The following TIAM1 variants were observed in gnomAD, a reference collection of about 807,000 sequenced individuals.
TIAM1 encodes the protein rho guanine nucleotide exchange factor TIAM1.
A neutral mutation model predicts 163.5 loss-of-function variants in TIAM1; 65 were observed. The ratio of observed to expected loss-of-function variants is 0.40; its 90% confidence interval spans 0.33 to 0.49. TIAM1 has a LOEUF of 0.49. Ranked by LOEUF, TIAM1 falls within the 20% of genes least tolerant of loss-of-function variation. The pLI is 0.77. For synonymous variants in TIAM1, 833 were observed against 810.1 expected (o/e 1.03, Z -0.48); for missense variants, 1,789 against 2,044.7 (o/e 0.87, Z 2.41).
chr21:31,467,662 A>C (rs1295113947), intron 1 of TIAM1, among the ~76,000 whole-genome samples: 1 of 151,602 alleles, frequency 6.6e-6, no homozygotes, highest in African/African-American at 2.4e-5. Flanking sequence ...AATAAAATAA[A>C]TAAATAAATA....
intron 1 of TIAM1, among the ~76,000 whole-genome samples, chr21:31,479,886 C>T (rs529913257): frequency 7.2e-4 from 109 of 152,228 alleles, no homozygotes; most frequent in South Asian, 2.5e-3. Context: ...CCATTCCCGG[C>T]GTCTGCCCTC....
chr21:31,509,903 T>C (rs1369095146), intron 1 of TIAM1, among the ~76,000 whole-genome samples: 1 of 152,096 alleles, frequency 6.6e-6, no homozygotes, highest in African/African-American at 2.4e-5. Context: ...CACGAGAGTG[T>C]GTTTATCTAT....
chr21:31,432,953 G>A (rs1488466917), intron 2 of TIAM1, among the ~76,000 whole-genome samples: 1 of 152,214 alleles, frequency 6.6e-6, no homozygotes, highest in Non-Finnish European at 1.5e-5. Flanking sequence ...CATTGGAGGG[G>A]ACATTCTGTG....
In TIAM1 at chr21:31,135,927, A is replaced by C. The variant is rs939920236; in HGVS notation, c.3883+6T>G. ...CCCCTCCATAAAACGCTTTTCTGAT[A>C]CACACCGAATGCTGCCAACTCTGGT... is the stretch of plus-strand genomic sequence containing the variant. On this transcript the variant is annotated splice_donor_region_variant and intron_variant, in intron 23 of 27. Transcript: ENST00000541036. 1 of 1,613,928 alleles carries C rather than the reference A, an allele frequency of 6.2e-7. No homozygotes were observed. Among genetic ancestry groups the C allele is most frequent in the Non-Finnish European group, 8.5e-7 (1 of 1,179,780 alleles).
chr21:31,525,495 C>A (rs964410483), intron 1 of TIAM1, among the ~76,000 whole-genome samples: 2 of 152,054 alleles, frequency 1.3e-5, no homozygotes, highest in Non-Finnish European at 2.9e-5. Context: ...CTAGGCCCCA[C>A]CTCCAACACT....
At chr21:31,441,687 T>C (rs1013005525) in intron 2 of TIAM1, among the ~76,000 whole-genome samples, 12 of 152,076 alleles carry the variant, frequency 7.9e-5, no homozygotes, top group African/African-American at 2.9e-4. Context: ...ATCTTAGACA[T>C]AGCAAGTAAG....
chr21:31,386,448 G>A (rs922248963), intron 2 of TIAM1, among the ~76,000 whole-genome samples: 1 of 152,144 alleles, frequency 6.6e-6, no homozygotes, highest in African/African-American at 2.4e-5. Context: ...AAGACCCATA[G>A]AAGATTAAAG....
At chr21:31,409,785 T>TG (rs2077314144) in intron 2 of TIAM1, among the ~76,000 whole-genome samples, 1 of 151,910 alleles carries the variant, frequency 6.6e-6, no homozygotes. Flanking sequence ...CCCTCCCTGG[T>TG]GGGGGGCAGG....
At chr21:31,240,668 A>C (rs1569088960) in intron 6 of TIAM1, among the ~76,000 whole-genome samples, 1 of 152,204 alleles carries the variant, frequency 6.6e-6, no homozygotes. Context: ...ATTCATGCAA[A>C]CACTCTTCAC....
intron 2 of TIAM1, among the ~76,000 whole-genome samples, chr21:31,303,981 A>AAAAAG (rs895859938): frequency 6.6e-6 from 1 of 152,204 alleles, no homozygotes. Flanking sequence ...CCATCTCAAA[A>AAAAAG]AAAAGAAAAG....
intron 15 of TIAM1, among the ~76,000 whole-genome samples, chr21:31,181,350 G>A (rs940467138): frequency 1.3e-5 from 2 of 152,116 alleles, no homozygotes; most frequent in African/African-American, 2.4e-5. Flanking sequence ...GATCTAATGA[G>A]GGCCCATATG....
intron 9 of TIAM1, among the ~76,000 whole-genome samples, chr21:31,216,474 C>T (rs2087219939): frequency 6.6e-6 from 1 of 152,166 alleles, no homozygotes; most frequent in Non-Finnish European, 1.5e-5. Flanking sequence ...TTCCGAAAGA[C>T]TACAGATGCT....
At chr21:31,228,248 AAAAAAAAAAAAG>A (rs2088169100) in intron 6 of TIAM1, among the ~76,000 whole-genome samples, 1 of 133,910 alleles carries the variant, frequency 7.5e-6, no homozygotes, top group African/African-American at 3.4e-5. Flanking sequence ...AAAAAAAAAA[AAAAAAAAAAAAG>A]GAAGGAAAAA....
chr21:31,489,080 T>C (rs1465038712), intron 1 of TIAM1, among the ~76,000 whole-genome samples: 1 of 151,224 alleles, frequency 6.6e-6, no homozygotes, highest in Non-Finnish European at 1.5e-5. Context: ...GTAACAATAA[T>C]AACTGTGGGC....
intron 1 of TIAM1, among the ~76,000 whole-genome samples, chr21:31,491,688 GCT>G (rs2046473471): frequency 6.6e-6 from 1 of 152,184 alleles, no homozygotes; most frequent in South Asian, 2.1e-4. Context: ...GGATTCAAAA[GCT>G]CTCTTTGCTT....
At chr21:31,294,443 T>C (rs1248704395) in intron 2 of TIAM1, among the ~76,000 whole-genome samples, 1 of 152,194 alleles carries the variant, frequency 6.6e-6, no homozygotes, top group Admixed American at 6.5e-5. Flanking sequence ...AGTTTGAATT[T>C]TCAAGGGTCA....
rs997946376 is a variant in TIAM1, at chr21:31,455,341, G to C, written c.-369+8642C>G. 2.1e-5 allele frequency among the ~76,000 whole-genome samples: 3 copies of C among 146,274 alleles called. No homozygotes were observed. The Admixed American group carries it at 2.1e-4, about 10-fold the overall frequency. On this transcript the variant is annotated intron_variant, in intron 2 of 28. Transcript: ENST00000286827. ...GCTAGAAAGTAAGGAAGTACTTAAA[G>C]AATGATAGCACAGAGAAACAAGCTC...
chr21:31,323,084 T>C (rs1381342780), intron 2 of TIAM1, among the ~76,000 whole-genome samples: 1 of 150,492 alleles, frequency 6.6e-6, no homozygotes, highest in Non-Finnish European at 1.5e-5. Flanking sequence ...GGTCAAGAGA[T>C]CGAGACCATC....
Position 31,225,808 on chromosome 21 carries a change from A to G in TIAM1, c.1727T>C (p.Met576Thr), listed in dbSNP as rs1222429275. The change falls in exon 7 of 28, where the codon ATG (methionine) becomes ACG (threonine). Residue 576 changes from methionine (M) to threonine (T), a missense_variant. By Grantham distance (81) the Met-to-Thr change is moderately conservative. Transcript: ENST00000541036. ...EIKKLEQKID[M>T]DEKMKKMGEM... ...ACCCATTTTCTTCATCTTTTCATCC[A>G]TGTCAATCTTCTGTTCCAGTTTTTT... The G allele has an allele frequency of 2.5e-6, 4 of 1,614,130 alleles. No individual in the cohort carries two copies. The highest frequency in any genetic ancestry group is 3.4e-6 in the Non-Finnish European group (4 of 1,180,036).
Sources: gnomAD v4.1 joint callset for allele counts (sites outside exome capture counted in the v4.1 genomes callset) on GRCh38, gnomAD v4.1.1 for gene constraint, MANE v1.5 for transcripts, NCBI Gene and HGNC (gene_info 2026-07-23, HGNC 2026-07-21) for gene names.